The following OGN variants were observed in gnomAD, a reference collection of about 807,000 sequenced individuals.
The protein encoded by OGN is mimecan.
Under a neutral mutation model 30.8 loss-of-function variants are expected in OGN, and 19 were observed. That is an observed-to-expected ratio of 0.62 (90% confidence interval 0.43 to 0.90). The LOEUF is 0.90. Ranked by LOEUF, OGN falls within the 40% of genes least tolerant of loss-of-function variation. The pLI is 0.00. For synonymous variants in OGN, 126 were observed against 128.3 expected (o/e 0.98, Z 0.12); for missense variants, 283 against 349.7 (o/e 0.81, Z 1.52).
chr9:92,390,129 G>C, intron 4 of OGN, 73 bp from the exon 5 acceptor site: 1 of 839,138 alleles, frequency 1.2e-6, no homozygotes, highest in Non-Finnish European at 1.9e-6. Flanking sequence ...AAAAGCATTT[G>C]TTTAACAGAT....
At chr9:92,388,897 G>A (rs931935821) in intron 5 of OGN, among the ~76,000 whole-genome samples, 1 of 150,962 alleles carries the variant, frequency 6.6e-6, no homozygotes, top group Non-Finnish European at 1.5e-5. Context: ...TAACTTCTGA[G>A]TTCCTTATAA....
intron 3 of OGN, 48 bp from the exon 4 acceptor site, chr9:92,393,292 A>G: frequency 6.9e-7 from 1 of 1,451,638 alleles, no homozygotes; most frequent in Non-Finnish European, 9.4e-7. Flanking sequence ...GTTTGAAAAT[A>G]TTTCTCCTCT....
chr9:92,401,268 C>T (rs566345151), intron 2 of OGN, 83 bp from the exon 3 acceptor site: 71 of 655,022 alleles, frequency 1.1e-4, no homozygotes, highest in Middle Eastern at 3.3e-4. Flanking sequence ...GACACCTTCT[C>T]GTAGTTACAA....
At chr9:92,399,036 G>A (rs1332252667) in intron 3 of OGN, among the ~76,000 whole-genome samples, 2 of 151,244 alleles carry the variant, frequency 1.3e-5, no homozygotes, top group African/African-American at 2.4e-5. Flanking sequence ...ACACCAGTCT[G>A]AGAGCGAGAC....
chr9:92,401,320 A>G lies in OGN; in HGVS notation c.175-135T>C, dbSNP rs142302539. 250 of 509,976 alleles carry G rather than the reference A, an allele frequency of 4.9e-4. 2 individuals carry two copies. In the East Asian group the frequency reaches 7.7e-3, roughly 16 times the overall value. The allele number at this position is 509,976 out of a possible 1,614,324, so 31.6% of individuals were successfully genotyped here. On this transcript the variant is annotated intron_variant, in intron 2 of 6. Transcript: ENST00000375561. ...TGTGCTCCATTAGGCTTTCATACATATTTCCATTTTATCATCTATTAAATT... is the reference window on the plus strand; with the variant it reads ...TGTGCTCCATTAGGCTTTCATACATGTTTCCATTTTATCATCTATTAAATT...
rs559683619 is a variant in OGN, at chr9:92,387,342, C to CTCCA, written c.631-1050_631-1047dup. Among the ~76,000 whole-genome samples, 7 of 151,442 alleles carry CTCCA rather than the reference C, an allele frequency of 4.6e-5. No homozygotes were observed. The East Asian group carries it at 1.4e-3, about 30-fold the overall frequency. ...AGTGAGCCGAGATTGTGCCACTGCACTCCAGCCTGGGCCACAGAACGAGAC... is the reference window on the plus strand; with the variant it reads ...AGTGAGCCGAGATTGTGCCACTGCACTCCATCCAGCCTGGGCCACAGAACGAGAC... On this transcript the variant is annotated intron_variant, in intron 5 of 6. Transcript: ENST00000375561.
rs143663646 is a variant in OGN, at chr9:92,389,994, A to T, written c.490T>A (p.Ser164Thr). The T allele has an allele frequency of 6.2e-7, 1 of 1,610,270 alleles. No individual in the cohort carries two copies. Among genetic ancestry groups the T allele is most frequent in the Admixed American group, 1.7e-5 (1 of 59,974 alleles). ...AGTTCTTCTAACAGAGAAAGTTTTG[A>T]AAAAGTACCATCTTCTATATCTTCT... ...LIEDIEDGTF[S>T]KLSLLEELSL... is the part of the protein sequence containing the mutation. Residue 164 changes from serine (S) to threonine (T), a missense_variant, in exon 5 of 7, where the codon TCA becomes ACA. Ser to Thr is a moderately conservative substitution (Grantham distance 58, BLOSUM62 1). Transcript: ENST00000375561.
intron 3 of OGN, among the ~76,000 whole-genome samples, chr9:92,400,038 T>G (rs1330276486): frequency 3.9e-5 from 6 of 152,238 alleles, no homozygotes; most frequent in East Asian, 1.9e-4. Flanking sequence ...ATAAAAAAAT[T>G]TATTGGTAAT....
At chr9:92,386,363 ATATATGTGCATATGAG>A in intron 5 of OGN, 67 bp from the exon 6 acceptor site, 1 of 907,094 alleles carries the variant, frequency 1.1e-6, no homozygotes, top group African/African-American at 1.6e-5. Flanking sequence ...TTCAAGCAAT[ATATATGTGCATATGAG>A]TATATGTCTA....
rs752327045 is a variant in OGN at position 92,390,068 on chromosome 9, A to C, written c.428-12T>G. 9.6e-6 allele frequency: 14 copies of C among 1,455,010 alleles called. No homozygotes were observed. In the Admixed American group the frequency reaches 2.3e-4, roughly 24 times the overall value. The allele number at this position is 1,455,010 out of a possible 1,614,324, so 90.1% of individuals were successfully genotyped here. ...TCTTCTTAAGTTAGCTAGAGGGAAA[A>C]AAATATAAAAAACAACTACGTAAGT... On this transcript the variant is annotated splice_polypyrimidine_tract_variant and intron_variant, in intron 4 of 6. Coordinates refer to ENST00000375561, the MANE Select transcript of OGN (RefSeq NM_014057.5).
At chr9:92,389,017 CAG>C (rs1842558118) in intron 5 of OGN, among the ~76,000 whole-genome samples, 1 of 152,026 alleles carries the variant, frequency 6.6e-6, no homozygotes, top group Non-Finnish European at 1.5e-5. Flanking sequence ...CACTTTCTAA[CAG>C]ATTGTACATT....
Position 92,404,517 on chromosome 9 carries a change from T to C in OGN, c.-97A>G, listed in dbSNP as rs1435279274. 1 of 1,296,354 alleles carries C rather than the reference T, an allele frequency of 7.7e-7. No individual in the cohort carries two copies. Among genetic ancestry groups the C allele is most frequent in the Admixed American group, 2.4e-5 (1 of 40,898 alleles). 80.3% of individuals were successfully genotyped at this position (1,296,354 alleles called of 1,614,324 possible). A position where few individuals can be genotyped will look rare whatever the true frequency, so the allele number is the denominator to read the frequency against. On this transcript the variant is annotated 5_prime_UTR_variant, in exon 1 of 7. Coordinates refer to ENST00000375561, the MANE Select transcript of OGN (RefSeq NM_014057.5). ...CTACCGTTGTAGCTGTTTTGAAGTT[T>C]TTTGTGGTTTTCCTCAATAGATGTT...
rs78193598 is a variant in OGN, at chr9:92,395,043, G to A, written c.269-1799C>T. Among the ~76,000 whole-genome samples, 690 of 151,820 alleles carry A rather than the reference G, an allele frequency of 4.5e-3. 3 individuals are homozygous for A. The highest frequency in any genetic ancestry group is 6.8e-3 in the Middle Eastern group (2 of 292). On this transcript the variant is annotated intron_variant, in intron 3 of 6. Coordinates refer to ENST00000375561, the MANE Select transcript of OGN (RefSeq NM_014057.5). ...CTTTTTTTTCCTGCTACAGCTTTTT[G>A]TGGTTAGCTGACTTACAATTAATTG...
chr9:92,387,921 G>A (rs973593073), intron 5 of OGN, among the ~76,000 whole-genome samples: 7 of 151,414 alleles, frequency 4.6e-5, no homozygotes, highest in African/African-American at 1.5e-4. Context: ...CCACCACCAC[G>A]CCCAGCTAAT....
At chr9:92,396,733 T>C (rs1842907592) in intron 3 of OGN, among the ~76,000 whole-genome samples, 1 of 151,992 alleles carries the variant, frequency 6.6e-6, no homozygotes, top group Non-Finnish European at 1.5e-5. Context: ...CCTGGCTTTT[T>C]CTTGGTTAAA....
intron 3 of OGN, among the ~76,000 whole-genome samples, chr9:92,400,711 A>T (rs1191365654): frequency 6.6e-6 from 1 of 152,192 alleles, no homozygotes; most frequent in Non-Finnish European, 1.5e-5. Context: ...GTAATTATTG[A>T]TGTATATGTG....
At chr9:92,393,521 T>G (rs878954015) in intron 3 of OGN, among the ~76,000 whole-genome samples, 21 of 152,154 alleles carry the variant, frequency 1.4e-4, no homozygotes, top group African/African-American at 4.6e-4. Context: ...CCAAAAAAAT[T>G]TACAAAGCAG....
At chr9:92,394,641 G>GT in intron 3 of OGN, among the ~76,000 whole-genome samples, 1 of 151,520 alleles carries the variant, frequency 6.6e-6, no homozygotes, top group Non-Finnish European at 1.5e-5. Flanking sequence ...GTCTCGCTTC[G>GT]TCACCCAGGT....
intron 3 of OGN, among the ~76,000 whole-genome samples, chr9:92,399,395 G>A (rs948271568): frequency 2.0e-5 from 3 of 151,630 alleles, no homozygotes; most frequent in African/African-American, 7.3e-5. Context: ...TCTTTTCCTC[G>A]ATTTTTAAGA....
Sources: gnomAD v4.1 joint callset for allele counts (sites outside exome capture counted in the v4.1 genomes callset) on GRCh38, gnomAD v4.1.1 for gene constraint, MANE v1.5 for transcripts, NCBI Gene and HGNC (gene_info 2026-07-23, HGNC 2026-07-21) for gene names.